LYZL2: variants seen among roughly 807,000 people sequenced by gnomAD.
LYZL2 encodes lysozyme like 2, also known as lysozyme-like protein 2.
Under a neutral mutation model 17.1 loss-of-function variants are expected in LYZL2, and 13 were observed. The observed-to-expected ratio is 0.76, with a 90% confidence interval of 0.49 to 1.21. The LOEUF is 1.21. LYZL2 is among the 50% of genes most tolerant of loss of function. LYZL2 has a pLI of 0.00. For missense variants in LYZL2, 166 were observed against 189.2 expected (o/e 0.88, Z 0.72); for synonymous variants, 63 against 74.4 (o/e 0.85, Z 0.79).
Position 30,629,591 on chromosome 10 carries a change from A to G in LYZL2, c.-26+2T>C, listed in dbSNP as rs769714436. 20 of 1,613,862 alleles carry G rather than the reference A, an allele frequency of 1.2e-5. No individual in the cohort carries two copies. Among genetic ancestry groups the G allele is most frequent in the East Asian group, 1.1e-4 (5 of 44,898 alleles). ...GCTTCATAAGAGTAATTTAGGTCTT[A>G]CTGAAAAGGCAGATTCCTGGTGCCT... is the stretch of plus-strand genomic sequence containing the variant. On this transcript the variant is annotated splice_donor_variant, in intron 1 of 4. Transcript: ENST00000647634. LOFTEE classifies it low-confidence loss of function (5UTR_SPLICE).
At chr10:30,625,974 C>G (rs1283903566) in intron 3 of LYZL2, 131 bp downstream of exon 3, 7 of 1,380,292 alleles carry the variant, frequency 5.1e-6, no homozygotes, top group South Asian at 2.8e-5. Flanking sequence ...GCATAATTTA[C>G]CAATCTTGAA....
chr10:30,611,702 AAAAGAAAG>A (rs374528139), downstream of LYZL2: 11 of 391,812 alleles, frequency 2.8e-5, no homozygotes, highest in African/African-American at 1.3e-4. Context: ...GAAAGAAAGA[AAAAGAAAG>A]AAAGAAAGAA....
downstream of LYZL2, among the ~76,000 whole-genome samples, chr10:30,611,578 A>AGAAC (rs1838439071): frequency 1.4e-5 from 1 of 73,374 alleles, no homozygotes; most frequent in Non-Finnish European, 2.8e-5. Context: ...AAGGAAAGAA[A>AGAAC]GAAAGAAAGA....
intron 3 of LYZL2, among the ~76,000 whole-genome samples, chr10:30,613,340 T>TA (rs1838475796): frequency 6.6e-6 from 1 of 151,634 alleles, no homozygotes; most frequent in Non-Finnish European, 1.5e-5. Flanking sequence ...CTACAAAATG[T>TA]AAAAAAAATA....
downstream of LYZL2, among the ~76,000 whole-genome samples, chr10:30,606,912 CTTT>C (rs5784208): frequency 0.49 from 70,591 of 144,610 alleles, 17,542 homozygotes; most frequent in Middle Eastern, 0.6. Context: ...TACTTTTGGT[CTTT>C]TTTTTTTTTT....
chr10:30,629,568 T>C, intron 1 of LYZL2, 25 bp downstream of exon 1: 2 of 1,611,838 alleles, frequency 1.2e-6, no homozygotes, highest in South Asian at 1.1e-5. Flanking sequence ...GACAGGTGGC[T>C]TCATAAGAGT....
intron 3 of LYZL2, among the ~76,000 whole-genome samples, chr10:30,615,240 TG>T (rs1838509160): frequency 6.6e-6 from 1 of 152,164 alleles, no homozygotes; most frequent in Non-Finnish European, 1.5e-5. Flanking sequence ...TGCAACAACA[TG>T]GAAGAACGGA....
downstream of LYZL2, among the ~76,000 whole-genome samples, chr10:30,611,616 A>AAAGAAAGAAAGG: frequency 1.5e-5 from 2 of 133,542 alleles, no homozygotes; most frequent in African/African-American, 2.8e-5. Flanking sequence ...AGAAAGAAAG[A>AAAGAAAGAAAGG]GAAAGAAAGA....
Position 30,617,694 on chromosome 10 carries a change from A to AAAAAG in LYZL2, c.299-4799_299-4795dup, listed in dbSNP as rs1554785567. Among the ~76,000 whole-genome samples the AAAAAG allele has an allele frequency of 6.9e-3, 954 of 137,490 alleles. 5 individuals are homozygous for AAAAAG. Among genetic ancestry groups the AAAAAG allele is most frequent in the South Asian group, 0.012 (47 of 4,062 alleles). 90.2% of individuals were successfully genotyped at this position (137,490 alleles called of 152,430 possible). On this transcript the variant is annotated intron_variant, in intron 3 of 4. Coordinates refer to ENST00000647634, the MANE Select transcript of LYZL2 (RefSeq NM_183058.3). ...TGTCTCAAAAAAAAAAAAAAAAAAA[A>AAAAAG]AAAAGAAAAGAAAAAGAAAAAAAAG...
At chr10:30,619,902 A>G (rs1838593498) in intron 3 of LYZL2, among the ~76,000 whole-genome samples, 1 of 152,156 alleles carries the variant, frequency 6.6e-6, no homozygotes, top group Non-Finnish European at 1.5e-5. Context: ...AAAAAATGGC[A>G]TGTTGCAAGT....
downstream of LYZL2, among the ~76,000 whole-genome samples, chr10:30,610,335 G>T (rs934890791): frequency 6.6e-6 from 1 of 152,040 alleles, no homozygotes; most frequent in Non-Finnish European, 1.5e-5. Flanking sequence ...TGGGGTAAAA[G>T]CTTCAATTGA....
At chr10:30,609,761 T>C (rs903443801), downstream of LYZL2, among the ~76,000 whole-genome samples, 1 of 152,220 alleles carries the variant, frequency 6.6e-6, no homozygotes, top group Non-Finnish European at 1.5e-5. Context: ...TATACTTCTG[T>C]TGAATAAAGA....
At chr10:30,608,485 G>T (rs890112664), downstream of LYZL2, among the ~76,000 whole-genome samples, 3 of 152,166 alleles carry the variant, frequency 2.0e-5, no homozygotes, top group Non-Finnish European at 4.4e-5. Flanking sequence ...AGACACTCAA[G>T]GAAGTGGCTA....
chr10:30,611,449 A>T (rs1314524935), downstream of LYZL2, among the ~76,000 whole-genome samples: 1 of 149,750 alleles, frequency 6.7e-6, no homozygotes, highest in African/African-American at 2.5e-5. Context: ...CAGTGGGCTG[A>T]AATCGTACGA....
intron 3 of LYZL2, among the ~76,000 whole-genome samples, chr10:30,614,169 T>C (rs1180248782): frequency 1.3e-5 from 2 of 152,226 alleles, no homozygotes; most frequent in Non-Finnish European, 2.9e-5. Context: ...TCAACATTAC[T>C]TCTACTGCAA....
intron 3 of LYZL2, among the ~76,000 whole-genome samples, chr10:30,623,835 C>T (rs534537251): frequency 3.3e-5 from 5 of 152,320 alleles, no homozygotes; most frequent in Admixed American, 1.3e-4. Flanking sequence ...CCATCCTCCT[C>T]CCCCTCGTCC....
chr10:30,614,347 C>T (rs35203750), intron 3 of LYZL2, among the ~76,000 whole-genome samples: 21,698 of 152,194 alleles, frequency 0.14, 1,695 homozygotes, highest in East Asian at 0.24. Flanking sequence ...CATGAGCTCC[C>T]GAGTGAGCAC....
chr10:30,624,711 A>C (rs1416228182), intron 3 of LYZL2, among the ~76,000 whole-genome samples: 1 of 152,222 alleles, frequency 6.6e-6, no homozygotes, highest in African/African-American at 2.4e-5. Context: ...GTGTGGAGAC[A>C]GAGTCTGGCT....
chr10:30,607,069 C>A (rs1449996068), downstream of LYZL2, among the ~76,000 whole-genome samples: 3 of 151,714 alleles, frequency 2.0e-5, no homozygotes, highest in Non-Finnish European at 4.4e-5. Context: ...CGCCACCACG[C>A]CTGGCTAATT....
Sources: allele counts gnomAD v4.1 joint callset (sites outside exome capture counted in the v4.1 genomes callset), GRCh38; gene constraint gnomAD v4.1.1; transcripts MANE v1.5; gene names NCBI Gene and HGNC (gene_info 2026-07-23, HGNC 2026-07-21).